The following SUGCT variants were observed in gnomAD, a reference collection of about 807,000 sequenced individuals.
SUGCT encodes succinyl-CoA:glutarate CoA-transferase.
In SUGCT, 41 loss-of-function variants were observed where a neutral mutation model predicts 55.0. That is an observed-to-expected ratio of 0.74 (90% CI 0.58 to 0.97). The LOEUF is 0.97. SUGCT is among the 50% of genes least tolerant of loss of function. SUGCT has a pLI of 0.00. For synonymous variants in SUGCT, 187 were observed against 200.4 expected (o/e 0.93, Z 0.56); for missense variants, 568 against 547.8 (o/e 1.04, Z -0.37).
intron 12 of SUGCT, among the ~76,000 whole-genome samples, chr7:40,650,274 T>C (rs1800711523): frequency 6.6e-6 from 1 of 152,204 alleles, no homozygotes; most frequent in Non-Finnish European, 1.5e-5. Context: ...ATGCTACCTC[T>C]ACCACATTCT....
Position 40,272,085 on chromosome 7 carries a change from C to A in SUGCT, c.577-2428C>A, listed in dbSNP as rs896304017. Among the ~76,000 whole-genome samples, 8 of 121,114 alleles carry A rather than the reference C, an allele frequency of 6.6e-5. No homozygotes were observed. The East Asian group carries it at 1.5e-3, about 23-fold the overall frequency. The allele number at this position is 121,114 out of a possible 152,430, so 79.5% of individuals were successfully genotyped here. ...TCTGTCTCGCTCTCTCTCTCTCTCT[C>A]TCTCTCTCTCTATATATATATATAT... On this transcript the variant is annotated intron_variant, in intron 7 of 13. Coordinates refer to ENST00000335693, the MANE Select transcript of SUGCT (RefSeq NM_001193313.2).
At chr7:40,894,129 C>G in the SUGCT span, among the ~76,000 whole-genome samples, 2 of 150,598 alleles carry the variant, frequency 1.3e-5, no homozygotes, top group African/African-American at 4.9e-5. Context: ...GATACAAAAA[C>G]AGGCACATAG....
In SUGCT at chr7:40,493,216, G is replaced by C. The variant is rs147021909; in HGVS notation, c.987-3068G>C. 1.5e-3 allele frequency among the ~76,000 whole-genome samples: 227 copies of C among 152,306 alleles called. 1 individual carries two copies. Among genetic ancestry groups the C allele is most frequent in the African/African-American group, 5.2e-3 (218 of 41,572 alleles). ...CTGACTCTAAAAGCTGAATGAATTT[G>C]AGCAAGTTAATTTCTCTGAACCTGA... is the stretch of plus-strand genomic sequence containing the variant. On this transcript the variant is annotated intron_variant, in intron 11 of 13. Transcript: ENST00000335693.
At chr7:40,187,946 T>C (rs1473455417) in intron 3 of SUGCT, among the ~76,000 whole-genome samples, 1 of 144,958 alleles carries the variant, frequency 6.9e-6, no homozygotes. Context: ...GGGTGGATCA[T>C]TTGAAGTCAG....
At chr7:40,374,847 A>G (rs1397807526) in intron 9 of SUGCT, among the ~76,000 whole-genome samples, 2 of 152,130 alleles carry the variant, frequency 1.3e-5, no homozygotes, top group Admixed American at 1.3e-4. Context: ...GAGCAATTTT[A>G]TCTGGCTTGA....
At chr7:40,517,547 T>A (rs1478200983) in intron 12 of SUGCT, among the ~76,000 whole-genome samples, 1 of 152,156 alleles carries the variant, frequency 6.6e-6, no homozygotes, top group Non-Finnish European at 1.5e-5. Flanking sequence ...TGAGTGTTTT[T>A]ATCATAAAAG....
the SUGCT span, among the ~76,000 whole-genome samples, chr7:40,916,089 AC>A: frequency 7.2e-6 from 1 of 138,514 alleles, no homozygotes. Flanking sequence ...ACACACACAC[AC>A]ACACACACAC....
chr7:40,905,822 G>T, the SUGCT span, among the ~76,000 whole-genome samples: 2 of 151,184 alleles, frequency 1.3e-5, no homozygotes, highest in South Asian at 4.2e-4. Context: ...GGGCTCAAAT[G>T]ATCTTCCTGT....
At chr7:41,015,710 C>A in the SUGCT span, among the ~76,000 whole-genome samples, 1 of 152,202 alleles carries the variant, frequency 6.6e-6, no homozygotes, top group East Asian at 1.9e-4. Flanking sequence ...TAGAGCCCTT[C>A]AGACAATGAG....
At chr7:40,172,153 C>A (rs1973398) in intron 1 of SUGCT, among the ~76,000 whole-genome samples, 1 of 151,900 alleles carries the variant, frequency 6.6e-6, no homozygotes. Context: ...TGTCATAGAC[C>A]CAGTTCCAGT....
At chr7:40,719,046 T>C in intron 12 of SUGCT, among the ~76,000 whole-genome samples, 1 of 152,250 alleles carries the variant, frequency 6.6e-6, no homozygotes, top group East Asian at 1.9e-4. Flanking sequence ...AACTTTTTCA[T>C]ATCTCTTCAT....
chr7:40,506,527 C>T (rs76939145), intron 12 of SUGCT, among the ~76,000 whole-genome samples: 3,790 of 152,158 alleles, frequency 0.025, 152 homozygotes, highest in African/African-American at 0.088. Context: ...GCTTCTTGGA[C>T]GTATTGTTTA....
the SUGCT span, among the ~76,000 whole-genome samples, chr7:40,978,229 G>T: frequency 6.6e-6 from 1 of 152,150 alleles, no homozygotes; most frequent in Non-Finnish European, 1.5e-5. Context: ...GTGGGCTGGA[G>T]AATGGCAACA....
At chr7:40,333,668 AATATATATATATATATATATAT>A (rs550516908) in intron 9 of SUGCT, among the ~76,000 whole-genome samples, 3 of 34,312 alleles carry the variant, frequency 8.7e-5, no homozygotes, top group African/African-American at 2.5e-4. Flanking sequence ...AAAAAAAAAA[AATATATATATATATATATATAT>A]ATATATATAT....
intron 12 of SUGCT, among the ~76,000 whole-genome samples, chr7:40,543,466 T>C (rs1178285217): frequency 4.6e-5 from 7 of 152,168 alleles, no homozygotes; most frequent in African/African-American, 4.8e-5. Context: ...TAGTTTAGGA[T>C]TGGAAGACTC....
chr7:40,996,562 G>C, the SUGCT span, among the ~76,000 whole-genome samples: 2,421 of 152,268 alleles, frequency 0.016, 50 homozygotes, highest in African/African-American at 0.055. Context: ...TTCCAAAGCA[G>C]GGGAATTGGT....
chr7:40,695,890 A>G (rs1784912336), intron 12 of SUGCT, among the ~76,000 whole-genome samples: 2 of 152,188 alleles, frequency 1.3e-5, no homozygotes, highest in African/African-American at 4.8e-5. Flanking sequence ...AGGGAACTTC[A>G]TGGAGTTAAG....
intron 5 of SUGCT, 135 bp downstream of exon 5, chr7:40,189,729 C>A: frequency 3.0e-6 from 1 of 328,784 alleles, no homozygotes; most frequent in Non-Finnish European, 5.6e-6. Flanking sequence ...TAAGTATTTA[C>A]TTTGATTTGT....
chr7:40,900,054 T>C, the SUGCT span, among the ~76,000 whole-genome samples: 1 of 152,092 alleles, frequency 6.6e-6, no homozygotes, highest in African/African-American at 2.4e-5. Context: ...TCCTTCATCC[T>C]CGGGGGCTGC....
Sources: allele counts gnomAD v4.1 joint callset (sites outside exome capture counted in the v4.1 genomes callset), GRCh38; gene constraint gnomAD v4.1.1; transcripts MANE v1.5; gene names NCBI Gene and HGNC (gene_info 2026-07-23, HGNC 2026-07-21).